Variants in OPRM1 observed in about 807,000 individuals in gnomAD.
OPRM1 encodes the protein opioid receptor mu 1.
A neutral mutation model predicts 31.8 loss-of-function variants in OPRM1; 27 were observed. The ratio of observed to expected loss-of-function variants is 0.85; its 90% confidence interval spans 0.63 to 1.17. The LOEUF (loss-of-function observed/expected upper bound fraction) is 1.17. OPRM1 is among the 50% of genes most tolerant of loss of function. OPRM1 has a pLI of 0.00. For synonymous variants in OPRM1, 196 were observed against 189.9 expected (o/e 1.03, Z -0.26); for missense variants, 536 against 511.1 (o/e 1.05, Z -0.47).
chr6:154,031,339 C>G (rs1054552505), intron 1 of OPRM1, among the ~76,000 whole-genome samples: 1 of 152,142 alleles, frequency 6.6e-6, no homozygotes, highest in Non-Finnish European at 1.5e-5. Context: ...GTCTACACTA[C>G]TCTCCTGGCA....
chr6:154,058,810 T>G (rs1408655907), intron 1 of OPRM1, among the ~76,000 whole-genome samples: 2 of 152,114 alleles, frequency 1.3e-5, no homozygotes, highest in African/African-American at 4.8e-5. Flanking sequence ...TTAAATACAC[T>G]ACATTAAAAA....
At chr6:154,184,244 C>T (rs1008960724) in intron 3 of OPRM1, among the ~76,000 whole-genome samples, 5 of 151,908 alleles carry the variant, frequency 3.3e-5, no homozygotes, top group African/African-American at 1.2e-4. Flanking sequence ...ATAGCACTGG[C>T]ATATAAAGTG....
chr6:154,077,875 C>CT (rs555499486), intron 1 of OPRM1, among the ~76,000 whole-genome samples: 4,932 of 146,184 alleles, frequency 0.034, 110 homozygotes, highest in East Asian at 0.096. Context: ...ACCCCATCTA[C>CT]TTTTTTTTTT....
intron 1 of OPRM1, among the ~76,000 whole-genome samples, chr6:154,026,818 T>C (rs1331429289): frequency 1.3e-5 from 2 of 152,202 alleles, no homozygotes; most frequent in Non-Finnish European, 2.9e-5. Flanking sequence ...TTTTAATCTC[T>C]GTTAAATTTA....
chr6:154,047,141 G>C (rs1403821198), intron 1 of OPRM1, among the ~76,000 whole-genome samples: 1 of 152,172 alleles, frequency 6.6e-6, no homozygotes, highest in Non-Finnish European at 1.5e-5. Flanking sequence ...AAGTGGTTAA[G>C]TGGGAAAAGG....
intron 3 of OPRM1, among the ~76,000 whole-genome samples, chr6:154,195,600 T>C (rs1004367608): frequency 6.6e-6 from 1 of 152,172 alleles, no homozygotes; most frequent in Non-Finnish European, 1.5e-5. Context: ...CTTCTCCATG[T>C]ACATATCTTG....
At chr6:154,175,246 C>T (rs1800215320) in intron 3 of OPRM1, among the ~76,000 whole-genome samples, 1 of 152,116 alleles carries the variant, frequency 6.6e-6, no homozygotes, top group Non-Finnish European at 1.5e-5. Context: ...GACACCCTAA[C>T]ATCACAATTA....
At chr6:154,103,337 T>G (rs190018710) in intron 3 of OPRM1, among the ~76,000 whole-genome samples, 80 of 152,306 alleles carry the variant, frequency 5.3e-4, no homozygotes, top group South Asian at 1.2e-3. Context: ...AAATGTATTT[T>G]GAAAGTACTT....
chr6:154,216,663 T>C (rs928543199), intron 3 of OPRM1, among the ~76,000 whole-genome samples: 18 of 151,770 alleles, frequency 1.2e-4, no homozygotes, highest in African/African-American at 4.1e-4. Context: ...AGGTCAGGAG[T>C]TGGAGACCAG....
chr6:154,171,934 T>G (rs1053154661), intron 3 of OPRM1, among the ~76,000 whole-genome samples: 1 of 152,342 alleles, frequency 6.6e-6, no homozygotes, highest in Non-Finnish European at 1.5e-5. Flanking sequence ...TACCACAGTA[T>G]TTTTGAATTA....
upstream of OPRM1, among the ~76,000 whole-genome samples, chr6:154,036,533 G>T (rs893001866): frequency 1.3e-5 from 2 of 151,838 alleles, no homozygotes; most frequent in African/African-American, 4.8e-5. Flanking sequence ...TCTAGAAAAG[G>T]GCAATGGGAA....
exon 4 of OPRM1, chr6:154,246,748 A>T (rs1481295881): frequency 6.2e-7 from 1 of 1,613,786 alleles, no homozygotes. Flanking sequence ...CCTCCGACTC[A>T]TCGTGAGAAA....
chr6:154,160,157 T>G (rs1271271421), intron 3 of OPRM1: 1 of 760,268 alleles, frequency 1.3e-6, no homozygotes, highest in African/African-American at 1.8e-5. Flanking sequence ...AAAGCATTTT[T>G]GCACGTTAAT....
At chr6:154,188,325 T>G (rs1306342316) in intron 3 of OPRM1, among the ~76,000 whole-genome samples, 1 of 152,144 alleles carries the variant, frequency 6.6e-6, no homozygotes, top group Admixed American at 6.5e-5. Flanking sequence ...AAAATATAAA[T>G]TGTGAAATTT....
intron 3 of OPRM1, among the ~76,000 whole-genome samples, chr6:154,103,497 T>C (rs548445923): frequency 5.4e-4 from 83 of 152,350 alleles, no homozygotes; most frequent in African/African-American, 1.9e-3. Context: ...CTCTTACTAA[T>C]TTCTGTAATA....
At chr6:154,160,165 A>G (rs1000971789) in intron 3 of OPRM1, 4 of 725,180 alleles carry the variant, frequency 5.5e-6, no homozygotes, top group Non-Finnish European at 9.1e-6. Context: ...TTTGCACGTT[A>G]ATGTTCTAAT....
chr6:154,167,177 G>A (rs1392382588), intron 3 of OPRM1, among the ~76,000 whole-genome samples: 35 of 152,152 alleles, frequency 2.3e-4, no homozygotes, highest in Non-Finnish European at 1.5e-5. Flanking sequence ...CAGATAAATC[G>A]TCTGCTAAAT....
At chr6:154,245,051 A>C (rs1363394455) in intron 3 of OPRM1, among the ~76,000 whole-genome samples, 2 of 152,236 alleles carry the variant, frequency 1.3e-5, no homozygotes, top group African/African-American at 2.4e-5. Flanking sequence ...AGTTCCTCTT[A>C]AGAAGGAAGC....
downstream of OPRM1, among the ~76,000 whole-genome samples, chr6:154,133,323 G>T (rs528424687): frequency 6.6e-6 from 1 of 152,234 alleles, no homozygotes; most frequent in South Asian, 2.1e-4. Context: ...CTGCTCAAAA[G>T]CTTTGAATGG....
Sources: allele counts gnomAD v4.1 joint callset (sites outside exome capture counted in the v4.1 genomes callset), GRCh38; gene constraint gnomAD v4.1.1; transcripts MANE v1.5; gene names NCBI Gene and HGNC (gene_info 2026-07-23, HGNC 2026-07-21).